PHACTR1: variants seen among roughly 807,000 people sequenced by gnomAD.
The protein encoded by PHACTR1 is RPEL repeat containing 1.
In PHACTR1, 16 loss-of-function variants were observed where a neutral mutation model predicts 69.2. That is an observed-to-expected ratio of 0.23 (90% CI 0.16 to 0.35). The LOEUF (loss-of-function observed/expected upper bound fraction) is 0.35. Among genes scored for constraint, PHACTR1 ranks in the 10% least tolerant of loss-of-function variants. The pLI is 1.00. For missense variants in PHACTR1, 510 were observed against 734.7 expected (o/e 0.69, Z 3.54); for synonymous variants, 312 against 284.5 (o/e 1.10, Z -0.97).
At chr6:13,148,916 A>G (rs777400813) in intron 5 of PHACTR1, among the ~76,000 whole-genome samples, 3 of 152,196 alleles carry the variant, frequency 2.0e-5, no homozygotes, top group Non-Finnish European at 4.4e-5. Context: ...GTCTCTACTG[A>G]CTGAAGTTTC....
intron 6 of PHACTR1, among the ~76,000 whole-genome samples, chr6:13,167,237 G>C (rs551913015): frequency 1.4e-4 from 21 of 152,228 alleles, no homozygotes; most frequent in African/African-American, 5.1e-4. Flanking sequence ...GCTGTTGCAA[G>C]TAATCTCTAC....
chr6:13,031,961 T>A (rs2127692139), intron 4 of PHACTR1, among the ~76,000 whole-genome samples: 1 of 152,342 alleles, frequency 6.6e-6, no homozygotes, highest in South Asian at 2.1e-4. Context: ...ATTTAAATTA[T>A]CTTGAAAATA....
rs191657055 is a variant in PHACTR1 at position 12,917,805 on chromosome 6, G to A, written c.251-135560G>A. 3.3e-5 allele frequency among the ~76,000 whole-genome samples: 5 copies of A among 152,130 alleles called. No individual in the cohort carries two copies. The East Asian group carries it at 5.8e-4, about 18-fold the overall frequency. ...AAACAAAGGAAAAGCAGCTCAAACCGAGAGGTGAATATCGCCCCTCATGTC... is the reference window on the plus strand; with the variant it reads ...AAACAAAGGAAAAGCAGCTCAAACCAAGAGGTGAATATCGCCCCTCATGTC... On this transcript the variant is annotated intron_variant, in intron 4 of 14. Coordinates refer to ENST00000332995, the MANE Select transcript of PHACTR1 (RefSeq NM_030948.6).
At chr6:12,773,805 T>C (rs1769698820) in intron 4 of PHACTR1, among the ~76,000 whole-genome samples, 1 of 152,246 alleles carries the variant, frequency 6.6e-6, no homozygotes, top group Non-Finnish European at 1.5e-5. Context: ...ATTTTTCCCA[T>C]TCTACAAGTC....
chr6:13,153,489 G>A (rs940491361), intron 5 of PHACTR1, among the ~76,000 whole-genome samples: 2 of 152,174 alleles, frequency 1.3e-5, no homozygotes, highest in African/African-American at 4.8e-5. Flanking sequence ...TAAAAGCAAA[G>A]CACAATTTGC....
At chr6:13,240,157 G>C (rs1019134774) in intron 10 of PHACTR1, among the ~76,000 whole-genome samples, 1 of 151,960 alleles carries the variant, frequency 6.6e-6, no homozygotes, top group African/African-American at 2.4e-5. Flanking sequence ...TCAAATTTTG[G>C]GTGCAGGGGG....
At chr6:12,818,740 A>G (rs1775871483) in intron 4 of PHACTR1, among the ~76,000 whole-genome samples, 1 of 152,236 alleles carries the variant, frequency 6.6e-6, no homozygotes, top group African/African-American at 2.4e-5. Flanking sequence ...TAGAATACAG[A>G]GTCATCATCT....
intron 4 of PHACTR1, among the ~76,000 whole-genome samples, chr6:12,822,900 T>A (rs1258350663): frequency 2.0e-5 from 3 of 152,116 alleles, no homozygotes; most frequent in Non-Finnish European, 4.4e-5. Context: ...CAGCGGACAA[T>A]GCCGTTTGAT....
intron 4 of PHACTR1, among the ~76,000 whole-genome samples, chr6:12,875,582 A>G (rs1424136540): frequency 1.3e-5 from 2 of 152,194 alleles, no homozygotes; most frequent in African/African-American, 4.8e-5. Flanking sequence ...AAAGACCAGT[A>G]AAAAAGGTAC....
In PHACTR1 at chr6:12,977,108, G is replaced by A. The variant is rs560401320; in HGVS notation, c.251-76257G>A. On this transcript the variant is annotated intron_variant, in intron 4 of 14. Coordinates refer to ENST00000332995, the MANE Select transcript of PHACTR1 (RefSeq NM_030948.6). ...GGCCTTCTGAGTAGCTGGGATTAGA[G>A]GCACCCATCTAATTTTGTATTTTAG... 2.7e-4 allele frequency among the ~76,000 whole-genome samples: 41 copies of A among 152,150 alleles called. No homozygotes were observed. The South Asian group carries it at 7.7e-3, about 29-fold the overall frequency.
chr6:12,933,713 C>T, intron 4 of PHACTR1: 1 of 1,612,852 alleles, frequency 6.2e-7, no homozygotes, highest in Non-Finnish European at 8.5e-7. Flanking sequence ...TGGGCTCGAA[C>T]TGTGTTCCCT....
intron 4 of PHACTR1, among the ~76,000 whole-genome samples, chr6:12,929,854 C>T (rs1486303761): frequency 6.6e-6 from 1 of 152,178 alleles, no homozygotes; most frequent in Non-Finnish European, 1.5e-5. Context: ...CTATGAATGC[C>T]TTCATGGCAC....
chr6:12,875,841 C>T (rs988141565), intron 4 of PHACTR1, among the ~76,000 whole-genome samples: 4 of 152,078 alleles, frequency 2.6e-5, no homozygotes, highest in African/African-American at 9.7e-5. Context: ...CACATGCCTT[C>T]TGTGTTGCTT....
chr6:12,785,164 A>G (rs1419124999), intron 4 of PHACTR1, among the ~76,000 whole-genome samples: 1 of 152,208 alleles, frequency 6.6e-6, no homozygotes, highest in Non-Finnish European at 1.5e-5. Context: ...AGGAGTGTAT[A>G]GTCTAAGAAG....
intron 7 of PHACTR1, among the ~76,000 whole-genome samples, chr6:13,185,320 G>C (rs1292017664): frequency 6.6e-6 from 1 of 152,180 alleles, no homozygotes; most frequent in Non-Finnish European, 1.5e-5. Flanking sequence ...TCGATTCAAT[G>C]TCAACATTTT....
At position 13,245,386 on chromosome 6, in the gene PHACTR1, A is replaced by C. The variant is rs182731149; in HGVS notation, c.1391+15193A>C. Reference sequence around the variant, plus strand: ...TAGACATTCTGACTGGTGTGAGATGATATGTGGTTTTGATTTGCATTTCTC... The same window carrying C: ...TAGACATTCTGACTGGTGTGAGATGCTATGTGGTTTTGATTTGCATTTCTC... On this transcript the variant is annotated intron_variant, in intron 10 of 14. Coordinates refer to ENST00000332995, the MANE Select transcript of PHACTR1 (RefSeq NM_030948.6). This position sits in a 1 kb window ranked among gnomAD's most constrained non-coding sequence, Gnocchi z 4.1. Among the ~76,000 whole-genome samples, 2 of 152,142 alleles carry C rather than the reference A, an allele frequency of 1.3e-5. No homozygotes were observed. Among genetic ancestry groups the C allele is most frequent in the African/African-American group, 2.4e-5 (1 of 41,502 alleles).
chr6:12,879,953 T>C (rs1411155162), intron 4 of PHACTR1, among the ~76,000 whole-genome samples: 1 of 152,100 alleles, frequency 6.6e-6, no homozygotes, highest in Non-Finnish European at 1.5e-5. Flanking sequence ...TTTGAATAGA[T>C]CACTAGTAAA....
At chr6:13,070,504 A>G (rs2127772087) in intron 5 of PHACTR1, among the ~76,000 whole-genome samples, 1 of 152,276 alleles carries the variant, frequency 6.6e-6, no homozygotes, top group East Asian at 1.9e-4. Context: ...TAACTTGCCC[A>G]GGGTCACAGG....
Position 12,839,327 on chromosome 6 carries a change from T to A in PHACTR1, c.250+89537T>A, listed in dbSNP as rs143374869. 5.3e-3 allele frequency among the ~76,000 whole-genome samples: 806 copies of A among 152,296 alleles called. 9 individuals carry two copies. The highest frequency in any genetic ancestry group is 0.018 in the African/African-American group (750 of 41,552). On this transcript the variant is annotated intron_variant, in intron 4 of 14. Coordinates refer to ENST00000332995, the MANE Select transcript of PHACTR1 (RefSeq NM_030948.6). ...TGGTGTCAGCCCTTGCTCCTGTACTTGCCCCATCCTTGCTGCCACCCAGGC... is the reference window on the plus strand; with the variant it reads ...TGGTGTCAGCCCTTGCTCCTGTACTAGCCCCATCCTTGCTGCCACCCAGGC...
Sources: allele counts gnomAD v4.1 joint callset (sites outside exome capture counted in the v4.1 genomes callset), GRCh38; gene constraint gnomAD v4.1.1; non-coding constraint Gnocchi (gnomAD v3.1); transcripts MANE v1.5; gene names NCBI Gene and HGNC (gene_info 2026-07-23, HGNC 2026-07-21).